ZNF737: variants seen among roughly 807,000 people sequenced by gnomAD.
ZNF737 encodes the protein zinc finger protein 102 (Y3).
In ZNF737, 13 loss-of-function variants were observed where a neutral mutation model predicts 11.7. The ratio of observed to expected loss-of-function variants is 1.11; its 90% CI spans 0.73 to 1.77. The LOEUF is 1.77. Ranked by LOEUF, ZNF737 falls within the 40% of genes most tolerant of loss-of-function variation. ZNF737 has a pLI of 0.00. For missense variants in ZNF737, 636 were observed against 638.0 expected (o/e 1.00, Z 0.03); for synonymous variants, 217 against 216.2 (o/e 1.00, Z -0.03).
chr19:20,539,343 C>T lies in ZNF737; in HGVS notation c.*5249G>A. ...ATTACTTGGAAACCCTGGGAAGCCC[C>T]TATAAAATACTCCCTTTGAATACTT... is the stretch of plus-strand genomic sequence containing the variant. On this transcript the variant is annotated 3_prime_UTR_variant, in exon 4 of 4. Transcript: ENST00000427401. 3 of 985,172 alleles carry T rather than the reference C, an allele frequency of 3.0e-6. No homozygotes were observed. Among genetic ancestry groups the T allele is most frequent in the Non-Finnish European group, 3.6e-6 (3 of 829,854 alleles). The allele number at this position is 985,172 out of a possible 1,614,324, so 61.0% of individuals were successfully genotyped here. A position where few individuals can be genotyped will look rare whatever the true frequency, so the allele number is the denominator to read the frequency against.
chr19:20,545,541 C>T lies in ZNF737; in HGVS notation c.662G>A (p.Arg221Lys). ...NWSSHLTTHK[R>K]IHTGEKRYKC... ...GTACCGTTTCTCTCCAGTATGAATT[C>T]TCTTATGTGTAGTAAGGTGTGAGGA... Residue 221 changes from arginine (R) to lysine (K), a missense_variant, in exon 4 of 4, where the codon AGA becomes AAA. By Grantham distance (26) the Arg-to-Lys change is conservative. Coordinates refer to ENST00000427401, the MANE Select transcript of ZNF737 (RefSeq NM_001159293.2). 1 of 1,612,556 alleles carries T rather than the reference C, an allele frequency of 6.2e-7. No individual in the cohort carries two copies. Among genetic ancestry groups the T allele is most frequent in the Admixed American group, 1.7e-5 (1 of 59,656 alleles).
At chr19:20,553,038 AAG>A (rs1300137094) in intron 2 of ZNF737, among the ~76,000 whole-genome samples, 22 of 151,986 alleles carry the variant, frequency 1.4e-4, no homozygotes, top group African/African-American at 5.3e-4. Flanking sequence ...AAAAAAGAAA[AAG>A]AAAGAAAATA....
rs1328128573 is a variant in ZNF737 at position 20,539,488 on chromosome 19, T to C, written c.*5104A>G. The C allele has an allele frequency of 3.0e-6, 3 of 985,304 alleles. No individual in the cohort carries two copies. Among genetic ancestry groups the C allele is most frequent in the African/African-American group, 1.7e-5 (1 of 57,238 alleles). 61.0% of individuals were successfully genotyped at this position (985,304 alleles called of 1,614,324 possible). A position where few individuals can be genotyped will look rare whatever the true frequency, so the allele number is the denominator to read the frequency against. ...TAAGTACGGCAATTATGCGAAGCCATTGAAAAAATGTGGTCTTGGTAAATT... is the reference window on the plus strand; with the variant it reads ...TAAGTACGGCAATTATGCGAAGCCACTGAAAAAATGTGGTCTTGGTAAATT... On this transcript the variant is annotated 3_prime_UTR_variant, in exon 4 of 4. Transcript: ENST00000427401.
intron 1 of ZNF737, among the ~76,000 whole-genome samples, chr19:20,559,739 T>A (rs537548105): frequency 6.6e-6 from 1 of 152,312 alleles, no homozygotes; most frequent in South Asian, 2.1e-4. Context: ...ATCTCATAAT[T>A]GGGTATATAC....
chr19:20,565,692 C>G lies in ZNF737; in HGVS notation c.-52G>C, dbSNP rs1969273508. ...GTCTTAGCTGTGGATCTCCCAATAC[C>G]TGCAGGACACAGGGCCACAGAGGCT... On this transcript the variant is annotated 5_prime_UTR_variant, in exon 1 of 4. Coordinates refer to ENST00000427401, the MANE Select transcript of ZNF737 (RefSeq NM_001159293.2). 1.2e-6 allele frequency: 2 copies of G among 1,613,738 alleles called. No individual in the cohort carries two copies. Among genetic ancestry groups the G allele is most frequent in the East Asian group, 4.5e-5 (2 of 44,864 alleles).
downstream of ZNF737, among the ~76,000 whole-genome samples, chr19:20,532,395 G>T (rs1303793459): frequency 6.7e-6 from 1 of 149,854 alleles, no homozygotes; most frequent in African/African-American, 2.5e-5. Context: ...AGGGTCATAT[G>T]CAGAAATAAA....
At chr19:20,565,527 G>A (rs1467260634) in intron 1 of ZNF737, 111 bp downstream of exon 1, 10 of 1,562,608 alleles carry the variant, frequency 6.4e-6, no homozygotes, top group East Asian at 4.5e-5. Flanking sequence ...AGAACTCAGG[G>A]TGCAGATTGT....
rs143280196 is a variant in ZNF737 at position 20,544,633 on chromosome 19, G to A, written c.1570C>T (p.Leu524Phe). 6.5e-5 allele frequency: 105 copies of A among 1,609,922 alleles called. No homozygotes were observed. In the East Asian group the frequency reaches 2.3e-3, roughly 35 times the overall value. Reference sequence around the variant, plus strand: ...GTATGAATTACCTTATGTGTAGTAAGGGTAGAGGGGCACTTAAAGCCTTTG... The same window carrying A: ...GTATGAATTACCTTATGTGTAGTAAAGGTAGAGGGGCACTTAAAGCCTTTG... ...CGKGFKCPST[L>F]TTHKVIHTGE... The change falls in exon 4 of 4, where the codon CTT becomes TTT. Residue 524 changes from leucine (L) to phenylalanine (F), a missense_variant. Transcript: ENST00000427401.
intron 3 of ZNF737, among the ~76,000 whole-genome samples, chr19:20,552,191 T>C (rs1968700589): frequency 6.6e-6 from 1 of 152,100 alleles, no homozygotes; most frequent in African/African-American, 2.4e-5. Context: ...AGCCAGACTG[T>C]GCAGTATTTT....
At chr19:20,552,705 C>A (rs1486935998) in intron 2 of ZNF737, 135 bp from the exon 3 acceptor site, 15 of 585,870 alleles carry the variant, frequency 2.6e-5, no homozygotes, top group Middle Eastern at 5.3e-4. Flanking sequence ...ACAGAAATTT[C>A]TAAATATTTA....
chr19:20,551,754 A>G (rs1968681002), intron 3 of ZNF737, among the ~76,000 whole-genome samples: 1 of 151,992 alleles, frequency 6.6e-6, no homozygotes, highest in Non-Finnish European at 1.5e-5. Flanking sequence ...CAATAAAAAA[A>G]TGAAAAAATT....
chr19:20,534,860 T>C (rs1967920111), downstream of ZNF737, among the ~76,000 whole-genome samples: 1 of 150,086 alleles, frequency 6.7e-6, no homozygotes, highest in Non-Finnish European at 1.5e-5. Flanking sequence ...GTTTTACTAA[T>C]AAATGTTTAT....
chr19:20,561,894 G>T (rs1472884865), intron 1 of ZNF737, among the ~76,000 whole-genome samples: 1 of 152,200 alleles, frequency 6.6e-6, no homozygotes, highest in Non-Finnish European at 1.5e-5. Context: ...AACCACTGCA[G>T]TGATGTTTAA....
At chr19:20,546,318 T>G (rs574789251) in intron 3 of ZNF737, among the ~76,000 whole-genome samples, 1 of 152,312 alleles carries the variant, frequency 6.6e-6, no homozygotes, top group African/African-American at 2.4e-5. Context: ...TCCAGTCGGA[T>G]GCAGTCGCTC....
intron 3 of ZNF737, among the ~76,000 whole-genome samples, chr19:20,551,888 T>G (rs1408041962): frequency 1.1e-4 from 16 of 146,082 alleles, no homozygotes; most frequent in Admixed American, 8.9e-4. Context: ...AATTGCAGTG[T>G]TTTTTTTTTA....
chr19:20,534,038 C>T (rs1158459523), downstream of ZNF737, among the ~76,000 whole-genome samples: 8 of 150,038 alleles, frequency 5.3e-5, no homozygotes, highest in South Asian at 2.2e-4. Flanking sequence ...GCTAATCAGC[C>T]GGGCTGAGCT....
intron 3 of ZNF737, among the ~76,000 whole-genome samples, chr19:20,549,939 A>C (rs1555757981): frequency 6.6e-6 from 1 of 151,984 alleles, no homozygotes; most frequent in Non-Finnish European, 1.5e-5. Context: ...CAAAAAAAAA[A>C]AAAAAAAAAT....
At chr19:20,558,392 G>A (rs1968967766) in intron 1 of ZNF737, among the ~76,000 whole-genome samples, 1 of 152,042 alleles carries the variant, frequency 6.6e-6, no homozygotes, top group African/African-American at 2.4e-5. Flanking sequence ...AAAGCCCAAG[G>A]TGTTGGACAC....
At chr19:20,534,954 C>T (rs1338642081), downstream of ZNF737, among the ~76,000 whole-genome samples, 2 of 149,900 alleles carry the variant, frequency 1.3e-5, no homozygotes, top group Admixed American at 6.7e-5. Flanking sequence ...ATTTTTTAAT[C>T]AGCCATAACA....
Sources: gnomAD v4.1 joint callset for allele counts (sites outside exome capture counted in the v4.1 genomes callset) on GRCh38, gnomAD v4.1.1 for gene constraint, MANE v1.5 for transcripts, NCBI Gene and HGNC (gene_info 2026-07-23, HGNC 2026-07-21) for gene names.